The following SNTB2 variants were observed in gnomAD, a reference collection of about 807,000 sequenced individuals.
SNTB2 encodes syntrophin beta 2, also known as beta-2-syntrophin.
Under a neutral mutation model 46.2 loss-of-function variants are expected in SNTB2, and 34 were observed. The ratio of observed to expected loss-of-function variants is 0.74; its 90% confidence interval spans 0.56 to 0.98. SNTB2 has a LOEUF of 0.98. Among genes scored for constraint, SNTB2 ranks in the 50% least tolerant of loss-of-function variants. The probability of loss-of-function intolerance (pLI) is 0.00; values close to 1 mark genes in which losing one functional copy is unlikely to be tolerated. For missense variants in SNTB2, 603 were observed against 731.4 expected (o/e 0.82, Z 2.02); for synonymous variants, 290 against 312.6 (o/e 0.93, Z 0.76).
chr16:69,213,855 C>T (rs1406675805), intron 1 of SNTB2, among the ~76,000 whole-genome samples: 2 of 126,846 alleles, frequency 1.6e-5, no homozygotes, highest in South Asian at 2.6e-4. Flanking sequence ...GAGACTCTCA[C>T]TCTGTTGCCC....
chr16:69,267,666 A>C lies in SNTB2; in HGVS notation c.1006-2477A>C, dbSNP rs553587833. On this transcript the variant is annotated intron_variant, in intron 3 of 6. Coordinates refer to ENST00000336278, the MANE Select transcript of SNTB2 (RefSeq NM_006750.4). ...CACATGGTAGAGCACTGGTCCCTTC[A>C]CTGGCTAGAATTAATTTCCCACTTT... Among the ~76,000 whole-genome samples the C allele has an allele frequency of 2.3e-4, 35 of 152,324 alleles. No homozygotes were observed. In the South Asian group the frequency reaches 6.6e-3, roughly 29 times the overall value.
At position 69,304,301 on chromosome 16, in the gene SNTB2, C is replaced by T. The variant is rs1414183990; in HGVS notation, c.*3377C>T. ...TAGTTGTAACTGTAAACTCACCTCC[C>T]TAGTAGATAAGAGTTTCAGGTTAAA... On this transcript the variant is annotated 3_prime_UTR_variant, in exon 7 of 7. Transcript: ENST00000336278. 1 of 152,564 alleles carries T rather than the reference C, an allele frequency of 6.6e-6. No homozygotes were observed. Among genetic ancestry groups the T allele is most frequent in the African/African-American group, 2.4e-5 (1 of 41,428 alleles). The allele number at this position is 152,564 out of a possible 1,614,324, so 9.5% of individuals were successfully genotyped here.
intron 1 of SNTB2, among the ~76,000 whole-genome samples, chr16:69,192,932 T>C (rs1964068728): frequency 1.3e-5 from 2 of 152,166 alleles, no homozygotes; most frequent in African/African-American, 4.8e-5. Flanking sequence ...TGAAATGCAA[T>C]TTTCTTTTTG....
chr16:69,200,776 A>G (rs1056274848), intron 1 of SNTB2, among the ~76,000 whole-genome samples: 4 of 151,926 alleles, frequency 2.6e-5, no homozygotes, highest in African/African-American at 9.7e-5. Flanking sequence ...TGGCTTCCCA[A>G]ATTTCTGGGA....
chr16:69,236,822 A>T (rs2152295699), intron 1 of SNTB2, among the ~76,000 whole-genome samples: 1 of 152,288 alleles, frequency 6.6e-6, no homozygotes, highest in South Asian at 2.1e-4. Flanking sequence ...TGTAGCGGGT[A>T]GGGACAGAGA....
At chr16:69,235,299 G>T (rs114084561) in intron 1 of SNTB2, among the ~76,000 whole-genome samples, 1 of 152,094 alleles carries the variant, frequency 6.6e-6, no homozygotes, top group African/African-American at 2.4e-5. Context: ...CGTAGAATAG[G>T]TGAATGGGTG....
chr16:69,294,954 G>A (rs1965208509), intron 5 of SNTB2, among the ~76,000 whole-genome samples: 2 of 151,928 alleles, frequency 1.3e-5, no homozygotes, highest in South Asian at 2.1e-4. Context: ...GAGTAGCTGG[G>A]ATTACAAGCA....
chr16:69,218,593 T>G (rs1167555503), intron 1 of SNTB2, among the ~76,000 whole-genome samples: 4 of 152,050 alleles, frequency 2.6e-5, no homozygotes, highest in Admixed American at 2.6e-4. Flanking sequence ...GGCTAATGTT[T>G]TGTATTTTTA....
chr16:69,282,337 A>G (rs190546434), intron 4 of SNTB2, among the ~76,000 whole-genome samples: 4 of 150,768 alleles, frequency 2.7e-5, no homozygotes, highest in African/African-American at 9.7e-5. Context: ...AATTACAGAC[A>G]TGAGACACCA....
chr16:69,286,898 T>C (rs978746723), intron 5 of SNTB2, among the ~76,000 whole-genome samples: 5 of 152,004 alleles, frequency 3.3e-5, no homozygotes, highest in Admixed American at 3.3e-4. Context: ...GAAAAAATAA[T>C]GTAAGGACTC....
At chr16:69,250,460 T>G (rs539146603) in intron 2 of SNTB2, among the ~76,000 whole-genome samples, 25 of 152,324 alleles carry the variant, frequency 1.6e-4, no homozygotes, top group African/African-American at 5.8e-4. Flanking sequence ...AAGACAATAT[T>G]AACTTCTCAA....
intron 1 of SNTB2, among the ~76,000 whole-genome samples, chr16:69,207,380 A>G (rs1434418783): frequency 6.7e-6 from 1 of 149,486 alleles, no homozygotes; most frequent in Non-Finnish European, 1.5e-5. Flanking sequence ...CTGGTTTCGA[A>G]CTCCTGACCT....
rs769963060 is a variant in SNTB2, at chr16:69,303,845, A to G, written c.*2921A>G. The G allele has an allele frequency of 6.6e-6, 1 of 152,600 alleles. No individual in the cohort carries two copies. The highest frequency in any genetic ancestry group is 1.5e-5 in the Non-Finnish European group (1 of 68,040). The allele number at this position is 152,600 out of a possible 1,614,324, so 9.5% of individuals were successfully genotyped here. A position where few individuals can be genotyped will look rare whatever the true frequency, so the allele number is the denominator to read the frequency against. On this transcript the variant is annotated 3_prime_UTR_variant, in exon 7 of 7. Transcript: ENST00000336278. ...TACAAATGGGAATTTTCGATATTCT[A>G]CCTTTTTTATAGAACCAGCTCACTT... is the stretch of plus-strand genomic sequence containing the variant.
At chr16:69,293,688 TAA>T (rs767094672) in intron 5 of SNTB2, among the ~76,000 whole-genome samples, 2 of 152,092 alleles carry the variant, frequency 1.3e-5, no homozygotes, top group African/African-American at 4.8e-5. Flanking sequence ...CTTGAGCATT[TAA>T]AAAAGTGAAT....
At chr16:69,211,824 GTCCTT>G (rs1440966136) in intron 1 of SNTB2, among the ~76,000 whole-genome samples, 2 of 152,148 alleles carry the variant, frequency 1.3e-5, no homozygotes, top group African/African-American at 4.8e-5. Context: ...TATACGTTGT[GTCCTT>G]TCTTTAAGTT....
chr16:69,241,928 C>CAAAAA (rs10604855), intron 1 of SNTB2: 4 of 63,254 alleles, frequency 6.3e-5, no homozygotes, highest in East Asian at 5.1e-4. Context: ...GACCTTGTCT[C>CAAAAA]AAAAAAAAAA....
intron 4 of SNTB2, among the ~76,000 whole-genome samples, chr16:69,270,629 C>G (rs1430270831): frequency 1.3e-5 from 2 of 152,108 alleles, no homozygotes; most frequent in East Asian, 3.8e-4. Context: ...ATTGTGGCAG[C>G]CTTTTGACTG....
chr16:69,241,624 TAAA>T (rs1292900093), intron 1 of SNTB2, among the ~76,000 whole-genome samples: 1 of 135,700 alleles, frequency 7.4e-6, no homozygotes, highest in African/African-American at 2.7e-5. Context: ...CCGTCTCTAC[TAAA>T]AAAAAAAAAG....
intron 1 of SNTB2, among the ~76,000 whole-genome samples, chr16:69,234,601 A>G (rs1964538797): frequency 6.6e-6 from 1 of 152,214 alleles, no homozygotes; most frequent in Admixed American, 6.5e-5. Flanking sequence ...AGGCCAGCCA[A>G]TAAAGATTAG....
Sources: gnomAD v4.1 joint callset for allele counts (sites outside exome capture counted in the v4.1 genomes callset) on GRCh38, gnomAD v4.1.1 for gene constraint, MANE v1.5 for transcripts, NCBI Gene and HGNC (gene_info 2026-07-23, HGNC 2026-07-21) for gene names.